Variants in HELLS observed in about 807,000 individuals in gnomAD.
HELLS encodes lymphoid-specific helicase.
In HELLS, 32 loss-of-function variants were observed where a neutral mutation model predicts 120.0. The ratio of observed to expected loss-of-function variants is 0.27; its 90% CI spans 0.20 to 0.36. The LOEUF is 0.36. Ranked by LOEUF, HELLS falls within the 10% of genes least tolerant of loss-of-function variation. The pLI, the probability that HELLS is intolerant of heterozygous loss-of-function variation, is 1.00. For missense variants in HELLS, 650 were observed against 993.4 expected (o/e 0.65, Z 4.65); for synonymous variants, 341 against 323.4 (o/e 1.05, Z -0.58).
At chr10:94,546,199 G>A (rs1842745815) in intron 1 of HELLS, among the ~76,000 whole-genome samples, 178 bp from the exon 2 acceptor site, 1 of 152,138 alleles carries the variant, frequency 6.6e-6, no homozygotes, top group South Asian at 2.1e-4. Flanking sequence ...CTGTGGTCCA[G>A]GCGACTTGTA....
intron 8 of HELLS, chr10:94,607,852 TG>T: frequency 2.9e-6 from 1 of 344,448 alleles, no homozygotes; most frequent in South Asian, 2.2e-5. Context: ...ATCAGCCTCC[TG>T]GGTAGTTGGG....
Position 94,590,809 on chromosome 10 carries a change from G to T in HELLS, c.1767+33G>T. 4 of 1,244,018 alleles carry T rather than the reference G, an allele frequency of 3.2e-6. No homozygotes were observed. The South Asian group carries it at 4.9e-5, about 15-fold the overall frequency. 77.1% of individuals were successfully genotyped at this position (1,244,018 alleles called of 1,614,324 possible). On this transcript the variant is annotated intron_variant, in intron 15 of 21. Coordinates refer to ENST00000348459, the MANE Select transcript of HELLS (RefSeq NM_018063.5). ...CTGTTTAATTCTAATTTACTGTTTT[G>T]ATTTCCATTACTTTTATATTGGTGG...
intron 11 of HELLS, 58 bp downstream of exon 11, chr10:94,581,580 T>A: frequency 8.2e-7 from 1 of 1,222,206 alleles, no homozygotes; most frequent in East Asian, 2.4e-5. Context: ...TTAGTTAAAA[T>A]TACTTTCTTT....
downstream of HELLS, among the ~76,000 whole-genome samples, chr10:94,605,577 A>G (rs1251746517): frequency 5.3e-5 from 8 of 151,612 alleles, 1 homozygote; most frequent in South Asian, 1.5e-3. Context: ...TTATCTTCTC[A>G]GAATTTCGAA....
In HELLS at chr10:94,574,009, A is replaced by G; in HGVS notation, c.527A>G (p.Asn176Ser). 4 of 1,611,794 alleles carry G rather than the reference A, an allele frequency of 2.5e-6. No homozygotes were observed. Among genetic ancestry groups the G allele is most frequent in the Admixed American group, 1.7e-5 (1 of 60,000 alleles). Residue 176 changes from asparagine to serine, a missense_variant, in exon 8 of 22, where the codon AAT becomes AGT. Asn to Ser is a conservative substitution (Grantham distance 46). This residue lies in a region of HELLS where 113 missense variants were observed against 120.7 expected (regional missense o/e 0.94). Transcript: ENST00000348459. ...CTCTGTGTGGAAGATCTTCAGAAAA[A>G]TAAAGATTCGAATAGTATAATTAAA... ...TNLCVEDLQK[N>S]KDSNSIIKDR... is the part of the protein sequence containing the mutation.
intron 21 of HELLS, among the ~76,000 whole-genome samples, chr10:94,599,792 A>G (rs1845938271): frequency 6.6e-6 from 1 of 152,256 alleles, no homozygotes; most frequent in African/African-American, 2.4e-5. Flanking sequence ...AACAGCTACA[A>G]AATTAACATG....
At position 94,590,785 on chromosome 10, in the gene HELLS, T is replaced by C. The variant is rs1845448540; in HGVS notation, c.1767+9T>C. On this transcript the variant is annotated intron_variant, in intron 15 of 21. Transcript: ENST00000348459. ...TTACACAAGAATTTAAGGTGAATAC[T>C]GTTTAATTCTAATTTACTGTTTTGA... 1 of 1,398,618 alleles carries C rather than the reference T, an allele frequency of 7.1e-7. No individual in the cohort carries two copies. Among genetic ancestry groups the C allele is most frequent in the East Asian group, 2.4e-5 (1 of 41,852 alleles). The allele number at this position is 1,398,618 out of a possible 1,614,324, so 86.6% of individuals were successfully genotyped here. A position where few individuals can be genotyped will look rare whatever the true frequency, so the allele number is the denominator to read the frequency against.
intron 10 of HELLS, among the ~76,000 whole-genome samples, chr10:94,580,087 T>A (rs1044959010): frequency 6.9e-6 from 1 of 145,364 alleles, no homozygotes; most frequent in South Asian, 2.2e-4. Context: ...ATTTCCTTGT[T>A]TTCTTTTCTC....
chr10:94,575,308 AG>A (rs913769110), intron 9 of HELLS, among the ~76,000 whole-genome samples: 1 of 151,762 alleles, frequency 6.6e-6, no homozygotes, highest in African/African-American at 2.4e-5. Context: ...CATGTTGGCC[AG>A]GCTGGTCTTG....
intron 4 of HELLS, among the ~76,000 whole-genome samples, chr10:94,559,817 G>A (rs890755911): frequency 1.3e-5 from 2 of 152,112 alleles, no homozygotes; most frequent in African/African-American, 2.4e-5. Context: ...AAATAAAACA[G>A]GGTTGTGTAT....
chr10:94,595,336 C>T lies in HELLS; in HGVS notation c.2248+482C>T, dbSNP rs536679903. 3.3e-5 allele frequency among the ~76,000 whole-genome samples: 5 copies of T among 151,958 alleles called. No individual in the cohort carries two copies. In the East Asian group the frequency reaches 5.8e-4, roughly 18 times the overall value. On this transcript the variant is annotated intron_variant, in intron 19 of 21. Coordinates refer to ENST00000348459, the MANE Select transcript of HELLS (RefSeq NM_018063.5). Reference sequence around the variant, plus strand: ...ATAGACATAAAAGAAAGAATGTTAGCGAGTATGTAGATATGTAGATGAAGA... The same window carrying T: ...ATAGACATAAAAGAAAGAATGTTAGTGAGTATGTAGATATGTAGATGAAGA...
chr10:94,557,524 A>G (rs555722177), intron 3 of HELLS, among the ~76,000 whole-genome samples: 2 of 152,264 alleles, frequency 1.3e-5, no homozygotes, highest in Admixed American at 6.5e-5. Context: ...GATGCCCTTT[A>G]TATTAAGAGG....
intron 15 of HELLS, among the ~76,000 whole-genome samples, chr10:94,591,930 G>A (rs986940004): frequency 2.0e-5 from 3 of 152,196 alleles, no homozygotes; most frequent in Non-Finnish European, 4.4e-5. Context: ...ATAAGCCTGA[G>A]TATGTACCCA....
downstream of HELLS, among the ~76,000 whole-genome samples, chr10:94,606,597 A>G (rs905722141): frequency 1.3e-5 from 2 of 151,896 alleles, no homozygotes; most frequent in African/African-American, 2.4e-5. Flanking sequence ...GGGTCCTCCT[A>G]TGTTTGCTTC....
chr10:94,558,695 G>A (rs1218210004), intron 4 of HELLS, among the ~76,000 whole-genome samples: 1 of 151,914 alleles, frequency 6.6e-6, no homozygotes, highest in African/African-American at 2.4e-5. Flanking sequence ...TCTGCCTCCC[G>A]GGTTCACGCC....
At chr10:94,613,396 A>G (rs1254573482) in exon 10 of HELLS, 2 of 152,164 alleles carry the variant, frequency 1.3e-5, no homozygotes, top group African/African-American at 4.8e-5. Context: ...AATCTCTGAC[A>G]TGTTTCGTTG....
intron 13 of HELLS, among the ~76,000 whole-genome samples, chr10:94,588,611 G>A (rs976669878): frequency 6.6e-6 from 1 of 152,092 alleles, no homozygotes; most frequent in Non-Finnish European, 1.5e-5. Flanking sequence ...AGACTCCTGG[G>A]CTTAAGCAGT....
chr10:94,570,915 A>G (rs1055434231), intron 6 of HELLS: 1 of 152,548 alleles, frequency 6.6e-6, no homozygotes, highest in Admixed American at 6.5e-5. Flanking sequence ...GCAACTACTC[A>G]ACCCTGTACT....
At position 94,574,093 on chromosome 10, in the gene HELLS, A is replaced by T; in HGVS notation, c.611A>T (p.Lys204Met). ...NTKFFFDPVR[K>M]CNGQPVPFQQ... Reference sequence around the variant, plus strand: ...AAATTCTTTTTTGACCCAGTCCGGAAGTGTAATGGTCAGCCAGTACCTTTT... The same window carrying T: ...AAATTCTTTTTTGACCCAGTCCGGATGTGTAATGGTCAGCCAGTACCTTTT... Residue 204 changes from lysine to methionine, a missense_variant, in exon 8 of 22, where the codon AAG becomes ATG. Physicochemically the swap from Lys to Met is moderately conservative, Grantham distance 95 (BLOSUM62 -1). Transcript: ENST00000348459. 6.2e-7 allele frequency: 1 copy of T among 1,614,044 alleles called. No homozygotes were observed. Among genetic ancestry groups the T allele is most frequent in the South Asian group, 1.1e-5 (1 of 91,078 alleles).
Sources: gnomAD v4.1 joint callset for allele counts (sites outside exome capture counted in the v4.1 genomes callset) on GRCh38, gnomAD v4.1.1 for gene constraint, gnomAD v4.1.1 regional missense constraint, MANE v1.5 for transcripts, NCBI Gene and HGNC (gene_info 2026-07-23, HGNC 2026-07-21) for gene names.